Variants in PCCA observed in about 807,000 individuals in gnomAD.
The protein encoded by PCCA is propionyl-CoA carboxylase subunit alpha, also known as propionyl-CoA carboxylase alpha chain, mitochondrial.
Under a neutral mutation model 101.3 loss-of-function variants are expected in PCCA, and 74 were observed. That is an observed-to-expected ratio of 0.73 (90% CI 0.61 to 0.89). The LOEUF (loss-of-function observed/expected upper bound fraction) is 0.89, where lower values mean the gene tolerates loss of function less well. Ranked by LOEUF, PCCA falls within the 40% of genes least tolerant of loss-of-function variation. The pLI is 0.00. For synonymous variants in PCCA, 294 were observed against 313.6 expected (o/e 0.94, Z 0.66); for missense variants, 891 against 907.0 (o/e 0.98, Z 0.23).
intron 21 of PCCA, among the ~76,000 whole-genome samples, chr13:100,471,086 C>T (rs960430078): frequency 2.0e-5 from 3 of 152,142 alleles, no homozygotes; most frequent in Non-Finnish European, 4.4e-5. Context: ...AAGTGAGAGA[C>T]ATGTGACTCT....
At chr13:100,501,540 C>T (rs2085668716) in intron 21 of PCCA, among the ~76,000 whole-genome samples, 1 of 152,172 alleles carries the variant, frequency 6.6e-6, no homozygotes, top group Non-Finnish European at 1.5e-5. Context: ...GTGTGGTCCT[C>T]AGACCAGCAG....
intron 22 of PCCA, among the ~76,000 whole-genome samples, chr13:100,526,844 T>C (rs1418055117): frequency 6.6e-6 from 1 of 152,282 alleles, no homozygotes; most frequent in Non-Finnish European, 1.5e-5. Flanking sequence ...TCAGCCTGGC[T>C]GCCCCTCAGG....
intron 7 of PCCA, among the ~76,000 whole-genome samples, chr13:100,220,262 G>GT (rs917614502): frequency 1.3e-5 from 2 of 151,722 alleles, no homozygotes; most frequent in South Asian, 4.2e-4. Context: ...TCTTTTTTTT[G>GT]TTTTTGTTTT....
At chr13:100,201,433 T>C (rs2058482352) in intron 6 of PCCA, among the ~76,000 whole-genome samples, 1 of 152,196 alleles carries the variant, frequency 6.6e-6, no homozygotes, top group Admixed American at 6.5e-5. Context: ...CAGTGTAAAC[T>C]ATGAGCATGG....
At chr13:100,126,488 A>G (rs1028482203) in intron 4 of PCCA, among the ~76,000 whole-genome samples, 21 of 152,186 alleles carry the variant, frequency 1.4e-4, no homozygotes, top group African/African-American at 5.1e-4. Context: ...TGGACAAATC[A>G]AAGCATGAAT....
Position 100,288,413 on chromosome 13 carries a change from C to A in PCCA, c.1066-13047C>A, listed in dbSNP as rs116119131. On this transcript the variant is annotated intron_variant, in intron 12 of 23. Coordinates refer to ENST00000376285, the MANE Select transcript of PCCA (RefSeq NM_000282.4). ...CTGGGCTCAGGCAATCCTGCCACCCCAGCCGCCCAGGTAGCTGGGACTACA... is the reference window on the plus strand; with the variant it reads ...CTGGGCTCAGGCAATCCTGCCACCCAAGCCGCCCAGGTAGCTGGGACTACA... Among the ~76,000 whole-genome samples, 889 of 152,300 alleles carry A rather than the reference C, an allele frequency of 5.8e-3. 7 individuals carry two copies. Among genetic ancestry groups the A allele is most frequent in the African/African-American group, 0.02 (836 of 41,552 alleles).
chr13:100,509,068 G>A (rs2086284294), intron 21 of PCCA, among the ~76,000 whole-genome samples: 1 of 152,094 alleles, frequency 6.6e-6, no homozygotes, highest in African/African-American at 2.4e-5. Flanking sequence ...TTTCAGTCCT[G>A]GTAACTTGAA....
At chr13:100,418,581 C>T (rs1162025363) in intron 19 of PCCA, among the ~76,000 whole-genome samples, 1 of 152,138 alleles carries the variant, frequency 6.6e-6, no homozygotes, top group African/African-American at 2.4e-5. Context: ...TGGCTCACAC[C>T]TGTAATCGCA....
intron 21 of PCCA, among the ~76,000 whole-genome samples, chr13:100,478,841 G>T (rs1360992314): frequency 6.6e-6 from 1 of 152,130 alleles, no homozygotes; most frequent in Non-Finnish European, 1.5e-5. Flanking sequence ...AGGAAAGAAT[G>T]GGGCTCCTCA....
chr13:100,203,102 C>G (rs1487586691), intron 6 of PCCA, among the ~76,000 whole-genome samples: 3 of 151,808 alleles, frequency 2.0e-5, no homozygotes, highest in African/African-American at 7.3e-5. Flanking sequence ...GAAACTCCGT[C>G]TCTACTAAAA....
chr13:100,458,421 GCGCACACACACACACACATACACACA>G (rs1484228508), intron 21 of PCCA, among the ~76,000 whole-genome samples: 6 of 98,854 alleles, frequency 6.1e-5, no homozygotes, highest in South Asian at 3.8e-4. Context: ...CCATCTCTGC[GCGCACACACACACACACATACACACA>G]CACACACACA....
At chr13:100,421,886 T>G (rs1304473262) in intron 19 of PCCA, among the ~76,000 whole-genome samples, 1 of 152,112 alleles carries the variant, frequency 6.6e-6, no homozygotes, top group African/African-American at 2.4e-5. Context: ...GGTTTCACCA[T>G]GTTGGTCAGG....
intron 4 of PCCA, among the ~76,000 whole-genome samples, chr13:100,130,859 A>C (rs1025410546): frequency 6.6e-6 from 1 of 152,234 alleles, no homozygotes; most frequent in Non-Finnish European, 1.5e-5. Flanking sequence ...ATTTGGTTTC[A>C]AAATTACACA....
chr13:100,315,400 A>G (rs763182515), intron 16 of PCCA, among the ~76,000 whole-genome samples: 55 of 152,198 alleles, frequency 3.6e-4, no homozygotes, highest in Admixed American at 9.8e-4. Flanking sequence ...TTGAACTTAC[A>G]TATTACTCAT....
intron 21 of PCCA, chr13:100,477,444 T>G (rs921970653): frequency 5.4e-4 from 82 of 152,230 alleles, no homozygotes; most frequent in African/African-American, 1.9e-3. Flanking sequence ...AAGAAAATAC[T>G]ACTGAAAGTT....
intron 12 of PCCA, among the ~76,000 whole-genome samples, chr13:100,290,775 A>G (rs2065059326): frequency 6.6e-6 from 1 of 152,138 alleles, no homozygotes; most frequent in Admixed American, 6.5e-5. Flanking sequence ...CTGTCATTTT[A>G]TATTTATGCT....
chr13:100,430,449 G>A (rs2079468051), intron 20 of PCCA, among the ~76,000 whole-genome samples: 1 of 152,054 alleles, frequency 6.6e-6, no homozygotes, highest in Admixed American at 6.6e-5. Context: ...GTATCTTGTT[G>A]AGCTGCTCTT....
At chr13:100,496,221 G>A (rs2085266543) in intron 21 of PCCA, among the ~76,000 whole-genome samples, 2 of 152,234 alleles carry the variant, frequency 1.3e-5, no homozygotes, top group African/African-American at 4.8e-5. Flanking sequence ...TTTTCAAATT[G>A]TTGCCAGTTT....
intron 8 of PCCA, among the ~76,000 whole-genome samples, chr13:100,255,071 C>T (rs976389322): frequency 8.6e-5 from 13 of 151,988 alleles, no homozygotes; most frequent in Non-Finnish European, 1.6e-4. Flanking sequence ...GGTGACAGAG[C>T]GAGACCAAAA....
Sources: gnomAD v4.1 joint callset for allele counts (sites outside exome capture counted in the v4.1 genomes callset) on GRCh38, gnomAD v4.1.1 for gene constraint, MANE v1.5 for transcripts, NCBI Gene and HGNC (gene_info 2026-07-23, HGNC 2026-07-21) for gene names.